XKR6: variants seen among roughly 807,000 people sequenced by gnomAD.
XKR6 encodes XK related 6.
A neutral mutation model predicts 56.7 loss-of-function variants in XKR6; 22 were observed. That is an observed-to-expected ratio of 0.39 (90% confidence interval 0.28 to 0.55). The LOEUF is 0.55. XKR6 is among the 20% of genes least tolerant of loss of function. The pLI is 0.66. For missense variants in XKR6, 852 were observed against 889.0 expected (o/e 0.96, Z 0.53); for synonymous variants, 524 against 387.8 (o/e 1.35, Z -4.13).
chr8:10,992,705 G>C (rs931123620), intron 1 of XKR6, among the ~76,000 whole-genome samples: 1 of 152,160 alleles, frequency 6.6e-6, no homozygotes, highest in Non-Finnish European at 1.5e-5. Flanking sequence ...CTTCCCTCCT[G>C]TTAGCCAAGC....
At chr8:10,973,397 T>A (rs1274478161) in intron 1 of XKR6, among the ~76,000 whole-genome samples, 3 of 152,054 alleles carry the variant, frequency 2.0e-5, no homozygotes, top group African/African-American at 4.8e-5. Flanking sequence ...ACCTGAGAAG[T>A]AAGGAGAGAG....
intron 1 of XKR6, among the ~76,000 whole-genome samples, chr8:11,071,080 G>A (rs763772272): frequency 4.6e-5 from 7 of 152,310 alleles, no homozygotes; most frequent in East Asian, 3.9e-4. Context: ...GAACAGGGTC[G>A]TGAACAAAGC....
At chr8:10,905,023 C>T (rs985359332) in intron 2 of XKR6, among the ~76,000 whole-genome samples, 1 of 152,154 alleles carries the variant, frequency 6.6e-6, no homozygotes, top group African/African-American at 2.4e-5. Flanking sequence ...TGTGCAGCTC[C>T]CCAGATCCCA....
At chr8:10,921,494 G>A (rs1400249190) in intron 2 of XKR6, among the ~76,000 whole-genome samples, 2 of 152,206 alleles carry the variant, frequency 1.3e-5, no homozygotes, top group African/African-American at 4.8e-5. Context: ...TTATGTGCCC[G>A]TGGAGTTTGA....
At chr8:11,186,942 A>C (rs1443058943) in intron 1 of XKR6, among the ~76,000 whole-genome samples, 1 of 152,234 alleles carries the variant, frequency 6.6e-6, no homozygotes, top group Non-Finnish European at 1.5e-5. Flanking sequence ...TTAATTTGGA[A>C]GTTCTCCCAA....
At chr8:11,122,625 C>T (rs1203553103) in intron 1 of XKR6, among the ~76,000 whole-genome samples, 1 of 152,252 alleles carries the variant, frequency 6.6e-6, no homozygotes, top group Non-Finnish European at 1.5e-5. Flanking sequence ...CAGGCCAATT[C>T]TTTAGGTATC....
At chr8:11,009,059 A>ACCT (rs1284745414) in intron 1 of XKR6, among the ~76,000 whole-genome samples, 1 of 131,354 alleles carries the variant, frequency 7.6e-6, no homozygotes, top group Non-Finnish European at 1.6e-5. Flanking sequence ...CCCAAATTAC[A>ACCT]CCTCTCCTGG....
intron 1 of XKR6, among the ~76,000 whole-genome samples, chr8:10,939,144 A>T (rs1468500193): frequency 6.6e-6 from 1 of 152,116 alleles, no homozygotes; most frequent in Non-Finnish European, 1.5e-5. Flanking sequence ...CCCAAAGGAA[A>T]CTTCACTCCC....
chr8:10,980,350 A>G (rs960264697), intron 1 of XKR6, among the ~76,000 whole-genome samples: 1 of 152,168 alleles, frequency 6.6e-6, no homozygotes, highest in Non-Finnish European at 1.5e-5. Flanking sequence ...CAAGGCAGAG[A>G]TGTCCACACC....
intron 1 of XKR6, among the ~76,000 whole-genome samples, chr8:10,993,661 C>T (rs1226490447): frequency 3.3e-5 from 5 of 152,200 alleles, no homozygotes; most frequent in Admixed American, 2.0e-4. Context: ...TTCTGCCCTG[C>T]TCCTAGCTCA....
At chr8:10,958,077 C>T (rs1459887956) in intron 1 of XKR6, among the ~76,000 whole-genome samples, 2 of 152,190 alleles carry the variant, frequency 1.3e-5, no homozygotes, top group Non-Finnish European at 1.5e-5. Flanking sequence ...GTCACTTGCC[C>T]TCTCTGGGCC....
rs546766414 is a variant in XKR6 at position 11,139,800 on chromosome 8, C to T, written c.764+60776G>A. ...AGTTGAGGAAAACTAGCGTCACATA[C>T]AAACAAGCACCGAAAGCACTGAGGT... is the stretch of plus-strand genomic sequence containing the variant. On this transcript the variant is annotated intron_variant, in intron 1 of 2. Transcript: ENST00000416569. Among the ~76,000 whole-genome samples the T allele has an allele frequency of 1.1e-4, 16 of 152,308 alleles. No homozygotes were observed. The East Asian group carries it at 3.1e-3, about 29-fold the overall frequency.
chr8:10,927,096 C>T (rs902849494), intron 1 of XKR6, among the ~76,000 whole-genome samples: 2 of 152,200 alleles, frequency 1.3e-5, no homozygotes, highest in African/African-American at 4.8e-5. Context: ...ATGTGTGCAG[C>T]GAGGTTCCTG....
intron 1 of XKR6, among the ~76,000 whole-genome samples, chr8:10,943,819 C>G (rs989892623): frequency 4.6e-5 from 7 of 152,122 alleles, no homozygotes; most frequent in Admixed American, 1.3e-4. Flanking sequence ...TCATTCCCTC[C>G]CCTTCTCATT....
At chr8:11,098,030 C>T (rs991847333) in intron 1 of XKR6, among the ~76,000 whole-genome samples, 3 of 152,004 alleles carry the variant, frequency 2.0e-5, no homozygotes, top group Non-Finnish European at 4.4e-5. Context: ...TGCAGGGGGG[C>T]TCCCCCAGCA....
At chr8:10,945,326 C>G (rs1373450945) in intron 1 of XKR6, among the ~76,000 whole-genome samples, 1 of 152,100 alleles carries the variant, frequency 6.6e-6, no homozygotes, top group South Asian at 2.1e-4. Context: ...TCTACTAAAA[C>G]TACAAAAATT....
chr8:11,172,190 C>T (rs987015333), intron 1 of XKR6, among the ~76,000 whole-genome samples: 4 of 151,654 alleles, frequency 2.6e-5, no homozygotes, highest in Non-Finnish European at 4.4e-5. Context: ...GGCAACATGG[C>T]GAACACCCAT....
rs558746039 is a variant in XKR6 at position 11,134,197 on chromosome 8, G to A, written c.764+66379C>T. ...TGCCCACCCTTACCTTCTCCTCTAT[G>A]TCCCCAAACAACCCTCTCCCACCTC... On this transcript the variant is annotated intron_variant, in intron 1 of 2. Coordinates refer to ENST00000416569, the MANE Select transcript of XKR6 (RefSeq NM_173683.4). 5.3e-5 allele frequency among the ~76,000 whole-genome samples: 8 copies of A among 152,030 alleles called. No individual in the cohort carries two copies. The South Asian group carries it at 1.2e-3, about 24-fold the overall frequency.
At chr8:11,182,552 A>T (rs1437303979) in intron 1 of XKR6, among the ~76,000 whole-genome samples, 1 of 152,248 alleles carries the variant, frequency 6.6e-6, no homozygotes, top group Non-Finnish European at 1.5e-5. Context: ...CAGATGGGTC[A>T]CCTGTGTGGA....
Sources: allele counts gnomAD v4.1 joint callset (sites outside exome capture counted in the v4.1 genomes callset), GRCh38; gene constraint gnomAD v4.1.1; transcripts MANE v1.5; gene names NCBI Gene and HGNC (gene_info 2026-07-23, HGNC 2026-07-21).